Variants in TTLL11 observed in about 807,000 individuals in gnomAD.
TTLL11 encodes the protein tubulin polyglutamylase TTLL11.
Under a neutral mutation model 51.7 loss-of-function variants are expected in TTLL11, and 42 were observed. That is an observed-to-expected ratio of 0.81 (90% CI 0.64 to 1.05). The LOEUF is 1.05. Among genes scored for constraint, TTLL11 ranks in the 50% least tolerant of loss-of-function variants. The pLI, the probability that TTLL11 is intolerant of heterozygous loss-of-function variation, is 0.00. For missense variants in TTLL11, 799 were observed against 940.4 expected (o/e 0.85, Z 1.97); for synonymous variants, 381 against 383.5 (o/e 0.99, Z 0.08).
chr9:121,975,012 T>A (rs919753791), intron 4 of TTLL11, 33 bp from the exon 5 acceptor site: 32 of 1,449,558 alleles, frequency 2.2e-5, no homozygotes, highest in Non-Finnish European at 2.9e-5. Context: ...AGAATTACTG[T>A]CTCTATTGAG....
At chr9:122,003,166 T>C (rs978301730) in intron 3 of TTLL11, among the ~76,000 whole-genome samples, 3 of 152,082 alleles carry the variant, frequency 2.0e-5, no homozygotes, top group African/African-American at 7.2e-5. Flanking sequence ...TAGCAAGGTA[T>C]GTGTTACTCA....
In TTLL11 at chr9:121,821,331, A is replaced by G. The variant is rs141141256; in HGVS notation, c.*1256T>C. Among the ~76,000 whole-genome samples the G allele has an allele frequency of 1.0e-3, 152 of 152,226 alleles. 1 individual carries two copies. Among genetic ancestry groups the G allele is most frequent in the Middle Eastern group, 3.4e-3 (1 of 294 alleles). ...GCACTACGAGCATTTTCTGAGTCCT[A>G]CAGTGCACCACACCAGGCACAGTAC... On this transcript the variant is annotated 3_prime_UTR_variant, in exon 9 of 9. Coordinates refer to ENST00000321582, the MANE Select transcript of TTLL11 (RefSeq NM_001139442.2). The surrounding 1 kb of genome is among the most constrained non-coding windows in gnomAD (Gnocchi z 5.0).
intron 1 of TTLL11, among the ~76,000 whole-genome samples, chr9:122,053,603 G>C (rs1845219271): frequency 6.6e-6 from 1 of 152,140 alleles, no homozygotes; most frequent in South Asian, 2.1e-4. Context: ...AGAGCAGCCA[G>C]GACCATAAGG....
rs373055777 is a variant in TTLL11, at chr9:121,969,369, A to G, written c.1481+4640T>C. On this transcript the variant is annotated intron_variant, in intron 6 of 8. Transcript: ENST00000321582. ...AGCAGAGTCAAGTTCTTCCCCCGGT[A>G]GACTGCCTGAGGACTGCTTTCAGTC... Among the ~76,000 whole-genome samples the G allele has an allele frequency of 3.9e-5, 6 of 152,166 alleles. No individual in the cohort carries two copies. The East Asian group carries it at 1.2e-3, about 29-fold the overall frequency.
intron 8 of TTLL11, among the ~76,000 whole-genome samples, chr9:121,825,859 A>T (rs1482648698): frequency 2.6e-5 from 4 of 151,494 alleles, no homozygotes; most frequent in African/African-American, 4.8e-5. Flanking sequence ...AAAAAAAAAA[A>T]GCACAGCAAC....
intron 6 of TTLL11, among the ~76,000 whole-genome samples, chr9:121,916,930 G>T (rs146106475): frequency 1.6e-3 from 236 of 152,210 alleles, no homozygotes; most frequent in African/African-American, 5.2e-3. Flanking sequence ...ACAATTAAAG[G>T]CCCATCCAAG....
intron 8 of TTLL11, among the ~76,000 whole-genome samples, chr9:121,838,758 G>A (rs76224987): frequency 1.8e-4 from 16 of 90,786 alleles, no homozygotes; most frequent in East Asian, 8.8e-4. Flanking sequence ...GAAAGAAAGA[G>A]AGAAAGCAAG....
At chr9:121,862,693 G>C (rs888366114) in intron 7 of TTLL11, among the ~76,000 whole-genome samples, 1 of 152,234 alleles carries the variant, frequency 6.6e-6, no homozygotes, top group Admixed American at 6.5e-5. Flanking sequence ...CCCAAGGCAG[G>C]CTAGATTTGT....
chr9:121,838,119 C>T lies in TTLL11; in HGVS notation c.1841-15240G>A, dbSNP rs147426211. On this transcript the variant is annotated intron_variant, in intron 8 of 8. Transcript: ENST00000321582. ...CTGCTTTTTTGCCACTGGGATATCG[C>T]ATTAGCCTGTTAAAAATGAATCTCT... Among the ~76,000 whole-genome samples, 194 of 152,344 alleles carry T rather than the reference C, an allele frequency of 1.3e-3. 1 individual carries two copies. Among genetic ancestry groups the T allele is most frequent in the African/African-American group, 4.4e-3 (184 of 41,580 alleles).
At chr9:122,040,932 A>G (rs79386485) in intron 1 of TTLL11, among the ~76,000 whole-genome samples, 6,035 of 152,324 alleles carry the variant, frequency 0.04, 391 homozygotes, top group African/African-American at 0.14. Context: ...CTAGCTGTTA[A>G]GTGCTAATAT....
chr9:122,063,185 C>T (rs1308447123), intron 1 of TTLL11, among the ~76,000 whole-genome samples: 1 of 152,102 alleles, frequency 6.6e-6, no homozygotes, highest in African/African-American at 2.4e-5. Flanking sequence ...TTTTTGAAAG[C>T]CATTTTACAT....
intron 1 of TTLL11, among the ~76,000 whole-genome samples, chr9:122,080,034 T>G (rs1239655871): frequency 2.0e-5 from 3 of 152,190 alleles, no homozygotes; most frequent in Non-Finnish European, 2.9e-5. Flanking sequence ...AATACATTAT[T>G]TGAATATTAA....
chr9:121,943,995 G>C (rs923597341), intron 6 of TTLL11, among the ~76,000 whole-genome samples: 2 of 152,218 alleles, frequency 1.3e-5, no homozygotes, highest in African/African-American at 2.4e-5. Flanking sequence ...AACAGTGAGA[G>C]AGTCAAAACC....
chr9:121,891,678 CA>C lies in TTLL11; in HGVS notation c.1482-20931del, dbSNP rs1839238219. ...ATCGTGTCACGGAACTGAGAACTTC[CA>C]GGGATTTCAAGGACCAACTGTGCTG... On this transcript the variant is annotated intron_variant, in intron 6 of 8. Coordinates refer to ENST00000321582, the MANE Select transcript of TTLL11 (RefSeq NM_001139442.2). 4.6e-5 allele frequency among the ~76,000 whole-genome samples: 7 copies of C among 152,098 alleles called. No individual in the cohort carries two copies. In the South Asian group the frequency reaches 1.5e-3, roughly 32 times the overall value.
At chr9:122,082,501 C>CAAAA (rs35349693) in intron 1 of TTLL11, among the ~76,000 whole-genome samples, 71 of 84,572 alleles carry the variant, frequency 8.4e-4, no homozygotes, top group Middle Eastern at 0.015. Flanking sequence ...GACTCTGTCT[C>CAAAA]AAAAAAAAAA....
rs780254586 is a variant in TTLL11, at chr9:121,906,183, CTAAT to C, written c.1482-35439_1482-35436del. Among the ~76,000 whole-genome samples, 9 of 152,218 alleles carry C rather than the reference CTAAT, an allele frequency of 5.9e-5. No individual in the cohort carries two copies. In the South Asian group the frequency reaches 6.2e-4, roughly 11 times the overall value. The stretch of plus-strand genomic sequence containing the variant: ...GAAATTGTCATGAAGATTTGTATCT[CTAAT>C]TATTTTTTAGACTCTTCTCCTCAAA... On this transcript the variant is annotated intron_variant, in intron 6 of 8. Coordinates refer to ENST00000321582, the MANE Select transcript of TTLL11 (RefSeq NM_001139442.2).
chr9:122,012,702 A>C (rs530338252), intron 3 of TTLL11, among the ~76,000 whole-genome samples: 7 of 151,112 alleles, frequency 4.6e-5, no homozygotes, highest in Non-Finnish European at 7.4e-5. Flanking sequence ...ACACACACAC[A>C]CCAAGTTAAG....
intron 6 of TTLL11, among the ~76,000 whole-genome samples, chr9:121,970,640 CCCA>C (rs1252068940): frequency 6.6e-6 from 1 of 152,140 alleles, no homozygotes; most frequent in Non-Finnish European, 1.5e-5. Context: ...AAATCAAAAC[CCCA>C]ATGAGATACC....
intron 6 of TTLL11, among the ~76,000 whole-genome samples, chr9:121,905,347 C>T (rs914463540): frequency 6.6e-6 from 1 of 151,216 alleles, no homozygotes; most frequent in Non-Finnish European, 1.5e-5. Context: ...CCTGATTTTA[C>T]ATTTAACTTT....
Sources: gnomAD v4.1 joint callset for allele counts (sites outside exome capture counted in the v4.1 genomes callset) on GRCh38, gnomAD v4.1.1 for gene constraint, Gnocchi (gnomAD v3.1) non-coding constraint, MANE v1.5 for transcripts, NCBI Gene and HGNC (gene_info 2026-07-23, HGNC 2026-07-21) for gene names.